The following CDH18 variants were observed in gnomAD, a reference collection of about 807,000 sequenced individuals.
CDH18 encodes cadherin-18.
A neutral mutation model predicts 67.9 loss-of-function variants in CDH18; 31 were observed. That is an observed-to-expected ratio of 0.46 (90% CI 0.34 to 0.62). The LOEUF (loss-of-function observed/expected upper bound fraction) is 0.62. CDH18 is among the 20% of genes least tolerant of loss of function. CDH18 has a pLI of 0.01. For synonymous variants in CDH18, 362 were observed against 347.2 expected (o/e 1.04, Z -0.48); for missense variants, 890 against 975.5 (o/e 0.91, Z 1.17).
chr5:20,095,366 C>A (rs1264293348), intron 2 of CDH18, among the ~76,000 whole-genome samples: 11 of 69,102 alleles, frequency 1.6e-4, no homozygotes, highest in African/African-American at 3.1e-4. Context: ...AAAGAAAAGA[C>A]AGAAGAAAGA....
chr5:20,242,116 A>G (rs543113427), intron 2 of CDH18, among the ~76,000 whole-genome samples: 3 of 151,756 alleles, frequency 2.0e-5, no homozygotes, highest in African/African-American at 7.2e-5. Flanking sequence ...TGTAAAATAT[A>G]ACTTTACAAT....
chr5:20,063,647 C>A (rs966196324), intron 2 of CDH18, among the ~76,000 whole-genome samples: 5 of 152,116 alleles, frequency 3.3e-5, no homozygotes, highest in Admixed American at 6.6e-5. Flanking sequence ...TTCAAAGATG[C>A]CTTTCAAACA....
chr5:19,904,870 T>C (rs948595687), intron 2 of CDH18, among the ~76,000 whole-genome samples: 3 of 152,180 alleles, frequency 2.0e-5, no homozygotes, highest in African/African-American at 7.2e-5. Context: ...AAAAATATCA[T>C]GACAGTTGCA....
intron 3 of CDH18, among the ~76,000 whole-genome samples, chr5:19,834,090 A>G (rs1448673713): frequency 6.6e-6 from 1 of 151,494 alleles, no homozygotes; most frequent in African/African-American, 2.4e-5. Flanking sequence ...TTCAGAAGGA[A>G]TGGTACCAGC....
chr5:19,659,609 C>T lies in CDH18; in HGVS notation c.644-47008G>A, dbSNP rs370067348. On this transcript the variant is annotated intron_variant, in intron 5 of 12. Coordinates refer to ENST00000382275, the MANE Select transcript of CDH18 (RefSeq NM_004934.5). ...TCTCTAATACAATAGTATTAAGAGG[C>T]GGGGCCATTAGGAGATGATTAGATG... Among the ~76,000 whole-genome samples, 28 of 152,178 alleles carry T rather than the reference C, an allele frequency of 1.8e-4. No homozygotes were observed. The East Asian group carries it at 2.1e-3, about 12-fold the overall frequency.
At chr5:20,185,283 C>T in intron 2 of CDH18, among the ~76,000 whole-genome samples, 1 of 152,160 alleles carries the variant, frequency 6.6e-6, no homozygotes, top group South Asian at 2.1e-4. Context: ...TATATATTAG[C>T]CTGCAGTAGT....
At chr5:20,441,285 T>TA (rs1446168989) in intron 1 of CDH18, among the ~76,000 whole-genome samples, 2 of 151,958 alleles carry the variant, frequency 1.3e-5, no homozygotes, top group Admixed American at 6.5e-5. Flanking sequence ...AAAATGGAGA[T>TA]AAAACCACAA....
intron 1 of CDH18, among the ~76,000 whole-genome samples, chr5:20,407,043 T>A (rs1746331105): frequency 6.6e-6 from 1 of 152,190 alleles, no homozygotes; most frequent in Admixed American, 6.6e-5. Flanking sequence ...TCAAGGAATT[T>A]GCTTCAGTCT....
At chr5:20,243,897 G>C (rs1019026592) in intron 2 of CDH18, among the ~76,000 whole-genome samples, 4 of 151,976 alleles carry the variant, frequency 2.6e-5, no homozygotes, top group Non-Finnish European at 4.4e-5. Flanking sequence ...GAATGAATCA[G>C]AGGCCCAGAA....
At chr5:20,109,658 C>A (rs187125327) in intron 2 of CDH18, among the ~76,000 whole-genome samples, 218 of 152,194 alleles carry the variant, frequency 1.4e-3, no homozygotes, top group African/African-American at 5.0e-3. Flanking sequence ...AATGTATAGC[C>A]TTTTTCCTTT....
chr5:19,517,626 C>T (rs1345124604), intron 10 of CDH18, among the ~76,000 whole-genome samples: 2 of 152,048 alleles, frequency 1.3e-5, no homozygotes. Flanking sequence ...TGCACTGAGG[C>T]AAATTTACCT....
At chr5:20,053,807 C>G (rs1368153241) in intron 2 of CDH18, among the ~76,000 whole-genome samples, 1 of 152,110 alleles carries the variant, frequency 6.6e-6, no homozygotes, top group Non-Finnish European at 1.5e-5. Context: ...AAAAGTGATG[C>G]TTTTAAAGTA....
rs776811928 is a variant in CDH18, at chr5:19,503,092, A to G, written c.1530T>C (p.Ser510=). ...TGGCAAAATCATCTTTATCAGTGGC[A>G]CTGATGGTATGAATAACCTAAAGAA... ...SKPGQVIHTI[S]ATDKDDFANG... Residue 510 remains serine (S), a synonymous_variant, in exon 11 of 13, where the codon AGT becomes AGC. Coordinates refer to ENST00000382275, the MANE Select transcript of CDH18 (RefSeq NM_004934.5). 2.5e-6 allele frequency: 4 copies of G among 1,591,568 alleles called. No individual in the cohort carries two copies. The highest frequency in any genetic ancestry group is 1.3e-5 in the African/African-American group (1 of 74,412).
chr5:19,941,548 A>G (rs967289956), intron 2 of CDH18, among the ~76,000 whole-genome samples: 1 of 152,002 alleles, frequency 6.6e-6, no homozygotes, highest in Non-Finnish European at 1.5e-5. Flanking sequence ...TTGGGAGGCC[A>G]AGATGGGTAG....
Position 19,483,372 on chromosome 5 carries a change from G to A in CDH18, c.1811C>T (p.Ala604Val). The A allele has an allele frequency of 1.9e-6, 3 of 1,614,112 alleles. No individual in the cohort carries two copies. The highest frequency in any genetic ancestry group is 2.5e-6 in the Non-Finnish European group (3 of 1,180,010). The change falls in exon 12 of 13, where the codon GCC becomes GTC. Residue 604 changes from alanine (A) to valine (V), a missense_variant. Coordinates refer to ENST00000382275, the MANE Select transcript of CDH18 (RefSeq NM_004934.5). ...DGRVRTCHAE[A>V]FLSSAGLSTG... ...ACTCAAACCAGCCGAGGACAGGAAG[G>A]CTTCTGCATGGCAGGTCCGCACACG...
chr5:19,736,890 G>T (rs1341285918), intron 4 of CDH18, among the ~76,000 whole-genome samples: 4 of 152,178 alleles, frequency 2.6e-5, no homozygotes, highest in Non-Finnish European at 4.4e-5. Context: ...CCTTGCCAGA[G>T]TATGAGTACA....
At chr5:19,737,493 C>G (rs1768497256) in intron 4 of CDH18, among the ~76,000 whole-genome samples, 1 of 152,140 alleles carries the variant, frequency 6.6e-6, no homozygotes, top group South Asian at 2.1e-4. Context: ...TGCCTTCACT[C>G]TATATCTAAT....
chr5:20,365,944 T>C (rs1296223741), intron 1 of CDH18, among the ~76,000 whole-genome samples: 1 of 151,960 alleles, frequency 6.6e-6, no homozygotes, highest in East Asian at 2.0e-4. Context: ...ATTCATTGCC[T>C]GGTCTATAAA....
chr5:20,137,854 T>C (rs983041594), intron 2 of CDH18, among the ~76,000 whole-genome samples: 2 of 151,950 alleles, frequency 1.3e-5, no homozygotes, highest in Non-Finnish European at 2.9e-5. Context: ...TCCAGGATCA[T>C]ATGGATTCAC....
Sources: gnomAD v4.1 joint callset for allele counts (sites outside exome capture counted in the v4.1 genomes callset) on GRCh38, gnomAD v4.1.1 for gene constraint, MANE v1.5 for transcripts, NCBI Gene and HGNC (gene_info 2026-07-23, HGNC 2026-07-21) for gene names.